Variants in SP1 observed in about 807,000 individuals in gnomAD.
SP1 encodes transcription factor Sp1.
Under a neutral mutation model 66.3 loss-of-function variants are expected in SP1, and 6 were observed. That is an observed-to-expected ratio of 0.09 (90% CI 0.05 to 0.18). SP1 has a LOEUF of 0.18. Among genes scored for constraint, SP1 ranks in the 10% least tolerant of loss-of-function variants. The pLI is 1.00. For synonymous variants in SP1, 417 were observed against 360.8 expected (o/e 1.16, Z -1.77); for missense variants, 848 against 964.5 (o/e 0.88, Z 1.60).
intron 3 of SP1, among the ~76,000 whole-genome samples, chr12:53,403,889 A>C (rs2136913770): frequency 1.3e-5 from 2 of 151,734 alleles, no homozygotes; most frequent in South Asian, 4.2e-4. Flanking sequence ...AAAAAAGGAA[A>C]GGCCGGGCAC....
chr12:53,388,957 G>C (rs1284606997), intron 3 of SP1, among the ~76,000 whole-genome samples: 1 of 151,082 alleles, frequency 6.6e-6, no homozygotes, highest in Non-Finnish European at 1.5e-5. Flanking sequence ...TCCAGCCTGG[G>C]CAGTAGGGTG....
At chr12:53,383,685 G>A in intron 3 of SP1, 63 bp downstream of exon 3, 1 of 1,383,722 alleles carries the variant, frequency 7.2e-7, no homozygotes, top group Non-Finnish European at 9.9e-7. Flanking sequence ...TGAAACTTGA[G>A]TCTAAAGAAA....
chr12:53,406,944 C>T (rs1342700742), intron 4 of SP1, among the ~76,000 whole-genome samples, 191 bp downstream of exon 4: 4 of 151,400 alleles, frequency 2.6e-5, no homozygotes, highest in Admixed American at 6.6e-5. Flanking sequence ...CCTGCCTCAG[C>T]CTCCCGAGTA....
chr12:53,407,858 GAT>G (rs1202162012), intron 4 of SP1, among the ~76,000 whole-genome samples: 1 of 146,110 alleles, frequency 6.8e-6, no homozygotes, highest in Non-Finnish European at 1.5e-5. Context: ...GGGTGGTCTC[GAT>G]CTCCTGACCT....
At position 53,383,259 on chromosome 12, in the gene SP1, C is replaced by T. The variant is rs1173995406; in HGVS notation, c.1312C>T (p.Leu438Phe). The T allele has an allele frequency of 1.2e-6, 2 of 1,614,100 alleles. No homozygotes were observed. The highest frequency in any genetic ancestry group is 1.7e-6 in the Non-Finnish European group (2 of 1,180,054). Residue 438 changes from leucine (L) to phenylalanine (F), a missense_variant, in exon 3 of 6, where the codon CTC becomes TTC. Coordinates refer to ENST00000327443, the MANE Select transcript of SP1 (RefSeq NM_138473.3). ...QAISQETLQN[L>F]QLQAVPNSGP... ...CATCTCCCAGGAAACCCTCCAGAAC[C>T]TCCAGCTTCAGGCTGTTCCAAACTC...
chr12:53,382,070 G>T, intron 2 of SP1, 40 bp from the exon 3 acceptor site: 1 of 1,588,154 alleles, frequency 6.3e-7, no homozygotes, highest in Non-Finnish European at 8.6e-7. Flanking sequence ...CTGGCAGCTG[G>T]GTGTCACTAA....
chr12:53,399,315 ATTTTTGTTTTTTTGT>A (rs1313528405), intron 3 of SP1, among the ~76,000 whole-genome samples: 8 of 142,256 alleles, frequency 5.6e-5, no homozygotes, highest in African/African-American at 2.2e-4. Context: ...TGCCCAGCTA[ATTTTTGTTTTTTTGT>A]TTTTTGTTTT....
intron 5 of SP1, among the ~76,000 whole-genome samples, chr12:53,410,043 A>T (rs1022087539): frequency 1.3e-5 from 2 of 151,124 alleles, no homozygotes; most frequent in African/African-American, 4.9e-5. Context: ...GTCGTGGCTC[A>T]TGCCTGTAAT....
At chr12:53,400,143 C>T (rs899174357) in intron 3 of SP1, among the ~76,000 whole-genome samples, 1 of 152,194 alleles carries the variant, frequency 6.6e-6, no homozygotes, top group Non-Finnish European at 1.5e-5. Context: ...CAAAGAAACA[C>T]CTCTTGCCCA....
At chr12:53,410,834 G>T in intron 5 of SP1, 93 bp from the exon 6 acceptor site, 1 of 866,100 alleles carries the variant, frequency 1.2e-6, no homozygotes, top group Non-Finnish European at 1.9e-6. Context: ...TCTCATACTG[G>T]CCTTACTCAG....
At chr12:53,409,282 T>G in intron 4 of SP1, 80 bp from the exon 5 acceptor site, 13 of 1,166,040 alleles carry the variant, frequency 1.1e-5, no homozygotes, top group Non-Finnish European at 1.4e-5. Flanking sequence ...TTGGTGTCGA[T>G]TGGGTGATTG....
At chr12:53,408,774 C>T (rs1938811972) in intron 4 of SP1, among the ~76,000 whole-genome samples, 1 of 151,922 alleles carries the variant, frequency 6.6e-6, no homozygotes, top group East Asian at 2.0e-4. Context: ...GGTGTGGTGG[C>T]GGGCACCCAT....
intron 3 of SP1, among the ~76,000 whole-genome samples, chr12:53,399,204 G>C (rs1045399684): frequency 5.9e-5 from 9 of 152,078 alleles, no homozygotes; most frequent in African/African-American, 2.2e-4. Flanking sequence ...AAGCAATACT[G>C]TGATGAACAT....
chr12:53,394,173 C>A (rs1938418520), intron 3 of SP1, among the ~76,000 whole-genome samples: 1 of 151,742 alleles, frequency 6.6e-6, no homozygotes, highest in Non-Finnish European at 1.5e-5. Context: ...CAAGATTGAA[C>A]CATTGCACTC....
Position 53,382,382 on chromosome 12 carries a change from G to C in SP1, c.435G>C (p.Gly145=). The change falls in exon 3 of 6, where the codon GGG becomes GGC. Residue 145 remains glycine (G), a synonymous_variant. Transcript: ENST00000327443. ...ESSKNRTVSG[G]QYVVAAAPNL... is the part of the protein sequence containing the mutation. ...CCAAGAATCGCACAGTCTCTGGTGG[G>C]CAGTATGTTGTGGCTGCCGCTCCCA... The C allele has an allele frequency of 6.2e-7, 1 of 1,614,210 alleles. No individual in the cohort carries two copies. The highest frequency in any genetic ancestry group is 8.5e-7 in the Non-Finnish European group (1 of 1,180,032).
At chr12:53,408,614 AAAG>A in intron 4 of SP1, among the ~76,000 whole-genome samples, 1 of 151,594 alleles carries the variant, frequency 6.6e-6, no homozygotes, top group South Asian at 2.1e-4. Context: ...CCTTTTTAAA[AAAG>A]AAGGCTTGGC....
intron 3 of SP1, among the ~76,000 whole-genome samples, chr12:53,397,743 A>G (rs1388719179): frequency 6.6e-6 from 1 of 151,766 alleles, no homozygotes; most frequent in African/African-American, 2.4e-5. Flanking sequence ...TAGTAGAGAT[A>G]GGGTTTCACC....
At chr12:53,408,277 C>T (rs1938796245) in intron 4 of SP1, among the ~76,000 whole-genome samples, 1 of 144,734 alleles carries the variant, frequency 6.9e-6, no homozygotes, top group African/African-American at 2.5e-5. Flanking sequence ...GCTCTTGTTG[C>T]CCAGGCTGGA....
rs1396923871 is a variant in SP1, at chr12:53,411,786, G to A, written c.*546G>A. 13 of 152,170 alleles carry A rather than the reference G, an allele frequency of 8.5e-5. No individual in the cohort carries two copies. The highest frequency in any genetic ancestry group is 7.9e-4 in the Admixed American group (12 of 15,202). The allele number at this position is 152,170 out of a possible 1,614,324, so 9.4% of individuals were successfully genotyped here. On this transcript the variant is annotated 3_prime_UTR_variant, in exon 6 of 6. Transcript: ENST00000327443. The stretch of plus-strand genomic sequence containing the variant: ...TATTGCCTTATTTCCCTATGGCTGA[G>A]CCTTGTTGTGACACATCAAGCTTTT...
Sources: gnomAD v4.1 joint callset for allele counts (sites outside exome capture counted in the v4.1 genomes callset) on GRCh38, gnomAD v4.1.1 for gene constraint, MANE v1.5 for transcripts, NCBI Gene and HGNC (gene_info 2026-07-23, HGNC 2026-07-21) for gene names.